The following CSMD3 variants were observed in gnomAD, a reference collection of about 807,000 sequenced individuals.
CSMD3 encodes CUB and sushi domain-containing protein 3.
In CSMD3, 177 loss-of-function variants were observed where a neutral mutation model predicts 435.2. The observed-to-expected ratio is 0.41, with a 90% CI of 0.36 to 0.46. The LOEUF (loss-of-function observed/expected upper bound fraction) is 0.46. Ranked by LOEUF, CSMD3 falls within the 20% of genes least tolerant of loss-of-function variation. CSMD3 has a pLI of 0.34. For missense variants in CSMD3, 4,265 were observed against 4,504.6 expected, an observed-to-expected ratio of 0.95 and a Z score of 1.52; for synonymous variants, 1,656 against 1,520.5, an observed-to-expected ratio of 1.09 and a Z score of -2.07.
intron 2 of CSMD3, among the ~76,000 whole-genome samples, chr8:113,303,461 A>G (rs199619617): frequency 2.7e-4 from 41 of 152,026 alleles, no homozygotes; most frequent in Admixed American, 1.3e-4. Flanking sequence ...CAAGTCAATC[A>G]TAAGCCAAAA....
chr8:112,493,852 G>A (rs1033110609), intron 30 of CSMD3, among the ~76,000 whole-genome samples: 1 of 152,022 alleles, frequency 6.6e-6, no homozygotes, highest in Non-Finnish European at 1.5e-5. Flanking sequence ...AAATAATAAA[G>A]AAATGTACAA....
chr8:112,326,822 T>C (rs1275920131), intron 45 of CSMD3, among the ~76,000 whole-genome samples: 1 of 152,088 alleles, frequency 6.6e-6, no homozygotes, highest in Non-Finnish European at 1.5e-5. Context: ...TGAAACCAGC[T>C]AGCCACCTGC....
chr8:113,233,900 C>T (rs145735871), intron 3 of CSMD3, among the ~76,000 whole-genome samples: 2 of 152,146 alleles, frequency 1.3e-5, no homozygotes, highest in African/African-American at 4.8e-5. Context: ...ATCAGAGTAT[C>T]ATCACAGCAG....
At chr8:112,905,349 A>G (rs1434240932) in intron 10 of CSMD3, among the ~76,000 whole-genome samples, 2 of 149,224 alleles carry the variant, frequency 1.3e-5, no homozygotes, top group Non-Finnish European at 3.0e-5. Context: ...CATATATATC[A>G]AAAGTCAATA....
intron 26 of CSMD3, among the ~76,000 whole-genome samples, chr8:112,552,259 C>CAGA (rs1563693494): frequency 2.6e-5 from 4 of 151,670 alleles, no homozygotes; most frequent in African/African-American, 4.8e-5. Context: ...CTTTGGGAGG[C>CAGA]AGAATTGCTT....
chr8:113,110,870 T>A (rs886699762), intron 4 of CSMD3, among the ~76,000 whole-genome samples: 1 of 152,200 alleles, frequency 6.6e-6, no homozygotes, highest in Non-Finnish European at 1.5e-5. Context: ...AAATCCAAGA[T>A]GAAGGCACTG....
At position 112,224,869 on chromosome 8, in the gene CSMD3, C is replaced by T; in HGVS notation, c.11026G>A (p.Ala3676Thr). The change falls in exon 71 of 71, where the codon GCT becomes ACT. Residue 3676 changes from alanine (A) to threonine (T), a missense_variant. Around this residue, in one of 3 missense-constraint regions of CSMD3, gnomAD observed 3,255 missense variants for 3,380.2 expected, o/e 0.96. Transcript: ENST00000297405. ...GTGTCATACATGGGATTTTCAAAAG[C>T]TGCTTGGCCATTGTTATTTTCATGA... is the stretch of plus-strand genomic sequence containing the variant. ...SVHENNNGQA[A>T]FENPMYDTNA... The T allele has an allele frequency of 6.2e-7, 1 of 1,614,066 alleles. No homozygotes were observed. The highest frequency in any genetic ancestry group is 8.5e-7 in the Non-Finnish European group (1 of 1,179,952).
intron 3 of CSMD3, among the ~76,000 whole-genome samples, chr8:113,239,817 T>C (rs1350860973): frequency 6.6e-6 from 1 of 152,112 alleles, no homozygotes; most frequent in Non-Finnish European, 1.5e-5. Flanking sequence ...TCTTAGAAAA[T>C]ACATATATCC....
chr8:112,430,210 T>C (rs4146364), intron 32 of CSMD3, among the ~76,000 whole-genome samples: 123,588 of 151,840 alleles, frequency 0.81, 50,888 homozygotes, highest in African/African-American at 0.93. Context: ...TTACTCTCTT[T>C]CCCAAACAAA....
At chr8:112,775,258 G>C (rs2078217274) in intron 13 of CSMD3, among the ~76,000 whole-genome samples, 1 of 151,490 alleles carries the variant, frequency 6.6e-6, no homozygotes, top group Non-Finnish European at 1.5e-5. Flanking sequence ...ATTTTTATTT[G>C]TTCATATCCA....
At chr8:112,384,307 T>C (rs1829747229) in intron 36 of CSMD3, among the ~76,000 whole-genome samples, 1 of 152,224 alleles carries the variant, frequency 6.6e-6, no homozygotes, top group Admixed American at 6.5e-5. Flanking sequence ...TGAATAGAGT[T>C]ATAGTAACTA....
intron 1 of CSMD3, among the ~76,000 whole-genome samples, chr8:113,323,715 T>G (rs575002118): frequency 6.6e-6 from 1 of 152,344 alleles, no homozygotes; most frequent in African/African-American, 2.4e-5. Flanking sequence ...TATCAAATTA[T>G]TTGGGCTACT....
chr8:112,857,994 A>T (rs1316057314), intron 11 of CSMD3, among the ~76,000 whole-genome samples: 1 of 151,686 alleles, frequency 6.6e-6, no homozygotes, highest in East Asian at 1.9e-4. Context: ...GTTTATAGAG[A>T]TAATTTGGGG....
At chr8:112,830,767 T>A (rs2079846089) in intron 11 of CSMD3, among the ~76,000 whole-genome samples, 1 of 147,480 alleles carries the variant, frequency 6.8e-6, no homozygotes, top group Non-Finnish European at 1.5e-5. Flanking sequence ...TATCTTGGCT[T>A]TTTTTTGTTA....
chr8:113,412,192 A>G, intron 1 of CSMD3, among the ~76,000 whole-genome samples: 1 of 152,122 alleles, frequency 6.6e-6, no homozygotes, highest in Non-Finnish European at 1.5e-5. Context: ...ATTTTTCACT[A>G]GCCAGGAGTC....
At chr8:112,404,201 AT>A (rs1831573076) in intron 35 of CSMD3, among the ~76,000 whole-genome samples, 1 of 151,848 alleles carries the variant, frequency 6.6e-6, no homozygotes, top group East Asian at 1.9e-4. Flanking sequence ...GGTAAAAAAA[AT>A]ATATTTTACT....
chr8:113,312,217 G>A (rs1240018144), intron 2 of CSMD3: 1 of 151,748 alleles, frequency 6.6e-6, no homozygotes, highest in African/African-American at 2.4e-5. Context: ...ATTTTACTCG[G>A]GCAATCAATT....
intron 22 of CSMD3, among the ~76,000 whole-genome samples, chr8:112,636,592 T>C (rs1303253932): frequency 3.3e-5 from 5 of 150,620 alleles, no homozygotes; most frequent in South Asian, 2.1e-4. Flanking sequence ...ATCTAATTTG[T>C]TTCTTATCCC....
intron 1 of CSMD3, among the ~76,000 whole-genome samples, chr8:113,354,195 G>T (rs2094207204): frequency 6.6e-6 from 1 of 152,076 alleles, no homozygotes; most frequent in African/African-American, 2.4e-5. Flanking sequence ...TACTTTTTAT[G>T]TAATACTCTC....
Sources: allele counts gnomAD v4.1 joint callset (sites outside exome capture counted in the v4.1 genomes callset), GRCh38; gene constraint gnomAD v4.1.1; regional missense constraint gnomAD v4.1.1; transcripts MANE v1.5; gene names NCBI Gene and HGNC (gene_info 2026-07-23, HGNC 2026-07-21).